ECI2: variants seen among roughly 807,000 people sequenced by gnomAD.
The protein encoded by ECI2 is D3,D2-enoyl-CoA isomerase.
Under a neutral mutation model 38.4 loss-of-function variants are expected in ECI2, and 27 were observed. The ratio of observed to expected loss-of-function variants is 0.70; its 90% CI spans 0.52 to 0.97. ECI2 has a LOEUF of 0.97. ECI2 is among the 50% of genes least tolerant of loss of function. The pLI is 0.00. For missense variants in ECI2, 470 were observed against 474.4 expected (o/e 0.99, Z 0.09); for synonymous variants, 168 against 172.0 (o/e 0.98, Z 0.18).
chr6:4,126,029 C>T (rs1345998014), intron 6 of ECI2, 106 bp downstream of exon 6: 1 of 868,194 alleles, frequency 1.2e-6, no homozygotes, highest in Non-Finnish European at 1.9e-6. Context: ...TCACAATTAA[C>T]TGCACTGACA....
intron 7 of ECI2, among the ~76,000 whole-genome samples, chr6:4,119,581 A>G (rs1772544449): frequency 1.3e-5 from 2 of 152,176 alleles, no homozygotes; most frequent in South Asian, 2.1e-4. Context: ...TCGGCCTCCC[A>G]AAGTGCTAGG....
At chr6:4,124,074 T>A (rs190914074) in intron 7 of ECI2, among the ~76,000 whole-genome samples, 1 of 152,114 alleles carries the variant, frequency 6.6e-6, no homozygotes, top group East Asian at 1.9e-4. Flanking sequence ...AAGAATGAGA[T>A]CCCCAATTTT....
At chr6:4,130,943 G>GT (rs1773478948) in intron 2 of ECI2, 78 bp from the exon 3 acceptor site, 1 of 1,359,524 alleles carries the variant, frequency 7.4e-7, no homozygotes, top group African/African-American at 1.4e-5. Context: ...CATAAAATCT[G>GT]TAAGTACATG....
rs774036947 is a variant in ECI2, at chr6:4,133,628, T to C, written c.134A>G (p.Asn45Ser). Reference sequence around the variant, plus strand: ...CAAGAGTTTCACTTGATTCATTGAATTTTCAAAGTCCTTCTGACTGGCTCT... The same window carrying C: ...CAAGAGTTTCACTTGATTCATTGAACTTTCAAAGTCCTTCTGACTGGCTCT... ...AMRASQKDFE[N>S]SMNQVKLLKK... The change falls in exon 2 of 10, where the codon AAT becomes AGT. Residue 45 changes from asparagine (N) to serine (S), a missense_variant. Coordinates refer to ENST00000380118, the MANE Select transcript of ECI2 (RefSeq NM_206836.3). The C allele has an allele frequency of 1.2e-6, 2 of 1,613,908 alleles. No homozygotes were observed. Among genetic ancestry groups the C allele is most frequent in the African/African-American group, 2.7e-5 (2 of 74,918 alleles).
At chr6:4,127,171 G>A (rs1426304246) in intron 5 of ECI2, among the ~76,000 whole-genome samples, 1 of 152,044 alleles carries the variant, frequency 6.6e-6, no homozygotes, top group Non-Finnish European at 1.5e-5. Flanking sequence ...GTATTCCATT[G>A]TACAAATAGT....
intron 7 of ECI2, among the ~76,000 whole-genome samples, chr6:4,123,594 T>A (rs1368922374): frequency 6.6e-6 from 1 of 150,806 alleles, no homozygotes; most frequent in Non-Finnish European, 1.5e-5. Context: ...ATGTTTTATA[T>A]GTATTATGTA....
intron 3 of ECI2, 29 bp downstream of exon 3, chr6:4,130,738 A>C: frequency 6.2e-7 from 1 of 1,612,504 alleles, no homozygotes; most frequent in Non-Finnish European, 8.5e-7. Context: ...AAGTACAGCA[A>C]ATAAAAGCAC....
At chr6:4,126,412 C>T (rs543038453) in intron 5 of ECI2, among the ~76,000 whole-genome samples, 175 bp from the exon 6 acceptor site, 3 of 152,238 alleles carry the variant, frequency 2.0e-5, no homozygotes, top group East Asian at 1.9e-4. Context: ...AAAAACACAC[C>T]GATAAATGTA....
chr6:4,119,062 G>T, intron 8 of ECI2, 124 bp downstream of exon 8: 1 of 795,608 alleles, frequency 1.3e-6, no homozygotes, highest in Non-Finnish European at 1.9e-6. Context: ...GAGTTGAAAA[G>T]CAAATCATTA....
At chr6:4,123,556 C>T (rs1484282935) in intron 7 of ECI2, among the ~76,000 whole-genome samples, 1 of 149,470 alleles carries the variant, frequency 6.7e-6, no homozygotes, top group Admixed American at 6.7e-5. Context: ...ATGCAATATA[C>T]ATATATTATA....
At chr6:4,117,826 T>C (rs1772386173) in intron 8 of ECI2, 1 of 161,078 alleles carries the variant, frequency 6.2e-6, no homozygotes, top group African/African-American at 2.4e-5. Context: ...TTACGGTCAT[T>C]GGGTCAACCT....
At chr6:4,125,863 G>A (rs661404) in intron 6 of ECI2, 233,276 of 550,548 alleles carry the variant, frequency 0.42, 54,192 homozygotes, top group African/African-American at 0.79. Flanking sequence ...CTCTGCCTCA[G>A]TGCAAGATAA....
intron 7 of ECI2, 199 bp downstream of exon 7, chr6:4,125,051 C>T: frequency 1.3e-5 from 11 of 853,892 alleles, no homozygotes; most frequent in Non-Finnish European, 2.0e-5. Flanking sequence ...GAACAATGTT[C>T]ACAACAAAAT....
intron 2 of ECI2, among the ~76,000 whole-genome samples, chr6:4,131,105 G>A (rs1174513327): frequency 6.9e-6 from 1 of 145,868 alleles, no homozygotes; most frequent in Non-Finnish European, 1.5e-5. Context: ...CAGGATAAAG[G>A]TTTTGGGGAA....
intron 7 of ECI2, among the ~76,000 whole-genome samples, chr6:4,123,147 T>G (rs75992494): frequency 0.015 from 2,235 of 152,184 alleles, 58 homozygotes; most frequent in African/African-American, 0.051. Flanking sequence ...GCCTTTTCCT[T>G]TAGCATATTT....
At chr6:4,134,260 G>C (rs1367359271) in intron 1 of ECI2, among the ~76,000 whole-genome samples, 1 of 152,202 alleles carries the variant, frequency 6.6e-6, no homozygotes, top group African/African-American at 2.4e-5. Context: ...ACGAGCAGTT[G>C]CTGGCATTCC....
At chr6:4,124,888 TA>T (rs1415107793) in intron 7 of ECI2, 3 of 380,676 alleles carry the variant, frequency 7.9e-6, no homozygotes, top group Non-Finnish European at 1.6e-5. Context: ...ATTTACTCAG[TA>T]AAAAGGATCA....
intron 5 of ECI2, among the ~76,000 whole-genome samples, chr6:4,127,108 T>G (rs1773211575): frequency 6.6e-6 from 1 of 152,242 alleles, no homozygotes; most frequent in Admixed American, 6.5e-5. Flanking sequence ...GAACTGTGTT[T>G]TAAAGATGCA....
At chr6:4,131,070 T>G in intron 2 of ECI2, 1 of 483,558 alleles carries the variant, frequency 2.1e-6, no homozygotes, top group Admixed American at 3.8e-5. Context: ...AAATAAATTA[T>G]AACTGCCTGT....
Sources: allele counts gnomAD v4.1 joint callset (sites outside exome capture counted in the v4.1 genomes callset), GRCh38; gene constraint gnomAD v4.1.1; transcripts MANE v1.5; gene names NCBI Gene and HGNC (gene_info 2026-07-23, HGNC 2026-07-21).